RBFOX1: variants seen among roughly 807,000 people sequenced by gnomAD.
The protein encoded by RBFOX1 is RNA binding protein fox-1 homolog 1.
A neutral mutation model predicts 57.7 loss-of-function variants in RBFOX1; 8 were observed. The ratio of observed to expected loss-of-function variants is 0.14; its 90% confidence interval spans 0.08 to 0.25. The LOEUF is 0.25. RBFOX1 is among the 10% of genes least tolerant of loss of function. The pLI is 1.00. For synonymous variants in RBFOX1, 326 were observed against 222.4 expected (o/e 1.47, Z -4.15); for missense variants, 611 against 548.5 (o/e 1.11, Z -1.14).
At chr16:6,806,914 A>C (rs113816299) in intron 3 of RBFOX1, among the ~76,000 whole-genome samples, 1,735 of 147,762 alleles carry the variant, frequency 0.012, 37 homozygotes, top group African/African-American at 0.041. Context: ...GCTCACTGCA[A>C]ACTCCACCTC....
intron 3 of RBFOX1, among the ~76,000 whole-genome samples, chr16:6,774,917 G>T (rs1393339928): frequency 6.6e-6 from 1 of 151,948 alleles, no homozygotes; most frequent in Non-Finnish European, 1.5e-5. Flanking sequence ...ATTGAGTAGT[G>T]GCTACCATAT....
At chr16:6,914,079 G>A (rs1334510118) in intron 3 of RBFOX1, among the ~76,000 whole-genome samples, 1 of 152,148 alleles carries the variant, frequency 6.6e-6, no homozygotes, top group African/African-American at 2.4e-5. Context: ...TTTGTTTTAT[G>A]TCTAATCTAT....
In RBFOX1 at chr16:7,703,822, C is replaced by T. The variant is rs72636233; in HGVS notation, c.996-5234C>T. ...ATATCCATTTGAACTACATCTGTAACTCATAAATTAGATCTCAACTCCAAA... is the reference window on the plus strand; with the variant it reads ...ATATCCATTTGAACTACATCTGTAATTCATAAATTAGATCTCAACTCCAAA... On this transcript the variant is annotated intron_variant, in intron 14 of 15. Coordinates refer to ENST00000550418, the MANE Select transcript of RBFOX1 (RefSeq NM_018723.4). Among the ~76,000 whole-genome samples, 1,922 of 152,274 alleles carry T rather than the reference C, an allele frequency of 0.013. 144 individuals carry two copies. In the East Asian group the frequency reaches 0.22, roughly 18 times the overall value.
chr16:6,489,549 G>T (rs2095583387), intron 2 of RBFOX1, among the ~76,000 whole-genome samples: 1 of 152,104 alleles, frequency 6.6e-6, no homozygotes, highest in African/African-American at 2.4e-5. Flanking sequence ...TGTGTTCCTA[G>T]CCATTTTCTC....
chr16:5,573,516 C>T (rs1338108339), intron 2 of RBFOX1, among the ~76,000 whole-genome samples: 1 of 152,168 alleles, frequency 6.6e-6, no homozygotes, highest in South Asian at 2.1e-4. Context: ...TGGGTACTGA[C>T]AACTTTGAGA....
chr16:7,304,913 GTGGTGT>G (rs2096136844), intron 4 of RBFOX1, among the ~76,000 whole-genome samples: 1 of 108,720 alleles, frequency 9.2e-6, no homozygotes, highest in Non-Finnish European at 1.8e-5. Context: ...GGTGTGTGGT[GTGGTGT>G]GTGTGTGTGT....
chr16:6,917,456 A>T (rs1232076418), intron 3 of RBFOX1, among the ~76,000 whole-genome samples: 1 of 152,228 alleles, frequency 6.6e-6, no homozygotes, highest in Non-Finnish European at 1.5e-5. Flanking sequence ...TTTGGGGAAT[A>T]CATCCATTTC....
chr16:6,208,794 G>C (rs2097272656), intron 1 of RBFOX1, among the ~76,000 whole-genome samples: 1 of 152,164 alleles, frequency 6.6e-6, no homozygotes, highest in Non-Finnish European at 1.5e-5. Context: ...TTCCTATCAA[G>C]GCAAGGATTG....
At chr16:6,918,728 A>G (rs12444867) in intron 3 of RBFOX1, among the ~76,000 whole-genome samples, 68,166 of 151,964 alleles carry the variant, frequency 0.45, 15,499 homozygotes, top group Middle Eastern at 0.5. Context: ...CCGAATGCAG[A>G]CAACATGAAG....
intron 3 of RBFOX1, among the ~76,000 whole-genome samples, chr16:5,626,081 T>A (rs985491528): frequency 6.6e-6 from 1 of 152,142 alleles, no homozygotes; most frequent in African/African-American, 2.4e-5. Context: ...GGTTTCTCCA[T>A]GTTGGTCAGG....
chr16:7,207,771 C>G (rs1243543247), intron 4 of RBFOX1, among the ~76,000 whole-genome samples: 1 of 152,178 alleles, frequency 6.6e-6, no homozygotes, highest in Non-Finnish European at 1.5e-5. Flanking sequence ...CTGTTGCACC[C>G]AGTTCATGTA....
At chr16:7,449,358 A>G (rs2098833295) in intron 4 of RBFOX1, among the ~76,000 whole-genome samples, 1 of 152,202 alleles carries the variant, frequency 6.6e-6, no homozygotes, top group South Asian at 2.1e-4. Flanking sequence ...ATGCCAAGTG[A>G]AAGTAGTCAG....
intron 1 of RBFOX1, among the ~76,000 whole-genome samples, chr16:5,354,927 G>A (rs546199220): frequency 1.3e-5 from 2 of 152,232 alleles, no homozygotes; most frequent in African/African-American, 4.8e-5. Flanking sequence ...AGCTAAGGGC[G>A]CCTGAGGGTG....
At chr16:6,732,920 A>G (rs2069046283) in intron 3 of RBFOX1, among the ~76,000 whole-genome samples, 1 of 152,256 alleles carries the variant, frequency 6.6e-6, no homozygotes, top group African/African-American at 2.4e-5. Flanking sequence ...ATGACAAATG[A>G]TGAAAATGCT....
At chr16:5,840,444 T>C (rs112180500) in intron 3 of RBFOX1, among the ~76,000 whole-genome samples, 1 of 151,988 alleles carries the variant, frequency 6.6e-6, no homozygotes, top group African/African-American at 2.4e-5. Context: ...CTCTGCGGGG[T>C]AGAAAGTCAT....
At chr16:6,958,902 A>G (rs2082382451) in intron 3 of RBFOX1, among the ~76,000 whole-genome samples, 1 of 152,154 alleles carries the variant, frequency 6.6e-6, no homozygotes, top group Non-Finnish European at 1.5e-5. Flanking sequence ...TACAGGTAAA[A>G]TTAATGACAA....
At chr16:5,655,234 A>G (rs1165302148) in intron 3 of RBFOX1, among the ~76,000 whole-genome samples, 2 of 152,226 alleles carry the variant, frequency 1.3e-5, no homozygotes, top group East Asian at 3.8e-4. Flanking sequence ...GCTTGTGATA[A>G]TATGTGAGGA....
intron 4 of RBFOX1, among the ~76,000 whole-genome samples, chr16:7,073,494 G>A (rs765993843): frequency 6.6e-6 from 1 of 152,016 alleles, no homozygotes; most frequent in South Asian, 2.1e-4. Context: ...CCTACAATTC[G>A]TTCTATGTAT....
intron 4 of RBFOX1, among the ~76,000 whole-genome samples, chr16:7,066,993 C>T (rs888280338): frequency 6.6e-6 from 1 of 152,166 alleles, no homozygotes; most frequent in Admixed American, 6.5e-5. Flanking sequence ...CCTCTTTATG[C>T]TCCTAACAAA....
Sources: gnomAD v4.1 joint callset for allele counts (sites outside exome capture counted in the v4.1 genomes callset) on GRCh38, gnomAD v4.1.1 for gene constraint, MANE v1.5 for transcripts, NCBI Gene and HGNC (gene_info 2026-07-23, HGNC 2026-07-21) for gene names.